FGF14: variants seen among roughly 807,000 people sequenced by gnomAD.
The protein encoded by FGF14 is fibroblast growth factor 14, also known as fibroblast growth factor homologous factor 4.
In FGF14, 5 loss-of-function variants were observed where a neutral mutation model predicts 25.5. That is an observed-to-expected ratio of 0.20 (90% CI 0.10 to 0.41). FGF14 has a LOEUF of 0.41. Among genes scored for constraint, FGF14 ranks in the 10% least tolerant of loss-of-function variants. FGF14 has a pLI of 1.00. For synonymous variants in FGF14, 138 were observed against 118.3 expected (o/e 1.17, Z -1.08); for missense variants, 222 against 320.1 (o/e 0.69, Z 2.34).
chr13:101,888,862 T>G (rs1029768589), intron 1 of FGF14, among the ~76,000 whole-genome samples: 2 of 152,208 alleles, frequency 1.3e-5, no homozygotes, highest in Non-Finnish European at 2.9e-5. Flanking sequence ...ATTAAATGAA[T>G]TGTGTCCCCC....
chr13:102,006,990 C>G (rs4772434), intron 1 of FGF14, among the ~76,000 whole-genome samples: 13 of 151,342 alleles, frequency 8.6e-5, no homozygotes, highest in Admixed American at 2.0e-4. Context: ...ATGATCCACC[C>G]GCCTCGGCCT....
chr13:101,751,717 C>T (rs907385658), intron 3 of FGF14, among the ~76,000 whole-genome samples: 3 of 152,090 alleles, frequency 2.0e-5, no homozygotes, highest in South Asian at 2.1e-4. Flanking sequence ...CTGTTTTTGA[C>T]GTCCAAACGC....
chr13:101,746,215 TTA>T (rs2036879524), intron 3 of FGF14, among the ~76,000 whole-genome samples: 1 of 151,958 alleles, frequency 6.6e-6, no homozygotes, highest in African/African-American at 2.4e-5. Context: ...TTTCTTCATT[TTA>T]TGAGTCTAGA....
chr13:101,730,014 C>T (rs2035703867), intron 3 of FGF14, among the ~76,000 whole-genome samples: 1 of 152,122 alleles, frequency 6.6e-6, no homozygotes, highest in Non-Finnish European at 1.5e-5. Context: ...GAGATACACG[C>T]TTTGTGGGAC....
chr13:101,961,737 A>T (rs1566499278), intron 1 of FGF14, among the ~76,000 whole-genome samples: 1 of 152,118 alleles, frequency 6.6e-6, no homozygotes, highest in Admixed American at 6.5e-5. Flanking sequence ...TTTGCTCAGC[A>T]CTTCTCCTTG....
chr13:102,198,151 G>A (rs2049449623), intron 1 of FGF14, among the ~76,000 whole-genome samples: 3 of 152,150 alleles, frequency 2.0e-5, no homozygotes, highest in East Asian at 1.9e-4. Context: ...CTCACCTCTT[G>A]GAGGTAGATG....
chr13:102,054,900 C>T (rs540013769), intron 1 of FGF14, among the ~76,000 whole-genome samples: 48 of 152,312 alleles, frequency 3.2e-4, no homozygotes, highest in Admixed American at 5.9e-4. Flanking sequence ...TCCTCTGAAA[C>T]TATCACTCCC....
chr13:102,188,526 GT>G (rs2048962629), intron 1 of FGF14, among the ~76,000 whole-genome samples: 1 of 152,152 alleles, frequency 6.6e-6, no homozygotes, highest in Non-Finnish European at 1.5e-5. Flanking sequence ...TCTTGTTTTT[GT>G]TTTGAGAATT....
chr13:101,853,433 TA>T (rs1478725266), intron 3 of FGF14, among the ~76,000 whole-genome samples: 1 of 151,974 alleles, frequency 6.6e-6, no homozygotes, highest in African/African-American at 2.4e-5. Context: ...TACTTCAGTG[TA>T]TTATTTATTT....
chr13:102,159,033 G>A (rs1248550746), intron 1 of FGF14, among the ~76,000 whole-genome samples: 34 of 151,538 alleles, frequency 2.2e-4, no homozygotes, highest in Admixed American at 1.1e-3. Context: ...CCAGCTACTC[G>A]GGAGGCCGAG....
chr13:101,820,551 T>C (rs894299408), intron 3 of FGF14, among the ~76,000 whole-genome samples: 3 of 152,196 alleles, frequency 2.0e-5, no homozygotes, highest in African/African-American at 7.2e-5. Flanking sequence ...AGCAATATCA[T>C]GTTTCTCATA....
At chr13:101,782,332 C>G (rs912329044) in intron 3 of FGF14, among the ~76,000 whole-genome samples, 2 of 152,184 alleles carry the variant, frequency 1.3e-5, no homozygotes, top group African/African-American at 4.8e-5. Flanking sequence ...TATTTCAAAT[C>G]CATGTGCATT....
chr13:101,900,059 G>T (rs2031322702), intron 1 of FGF14, among the ~76,000 whole-genome samples: 1 of 152,020 alleles, frequency 6.6e-6, no homozygotes, highest in African/African-American at 2.4e-5. Context: ...CCAGACAATT[G>T]TTAAATATTT....
At chr13:101,760,951 C>T (rs2037986944) in intron 3 of FGF14, among the ~76,000 whole-genome samples, 1 of 152,160 alleles carries the variant, frequency 6.6e-6, no homozygotes, top group African/African-American at 2.4e-5. Flanking sequence ...ATTAATTACT[C>T]TCTTGAAGGA....
chr13:102,075,740 A>G (rs1190470705), intron 1 of FGF14, among the ~76,000 whole-genome samples: 1 of 152,200 alleles, frequency 6.6e-6, no homozygotes, highest in Non-Finnish European at 1.5e-5. Flanking sequence ...TTATCATAGG[A>G]GATGACAGTT....
At chr13:101,873,250 T>G (rs2045211681) in intron 2 of FGF14, among the ~76,000 whole-genome samples, 1 of 152,144 alleles carries the variant, frequency 6.6e-6, no homozygotes, top group Non-Finnish European at 1.5e-5. Context: ...TTGATTCCTA[T>G]CATTAAAGGT....
chr13:101,798,065 T>A (rs773911622), intron 3 of FGF14, among the ~76,000 whole-genome samples: 3 of 152,132 alleles, frequency 2.0e-5, no homozygotes, highest in Non-Finnish European at 2.9e-5. Flanking sequence ...CCCTTTTATA[T>A]CCTTTCAGTA....
At chr13:102,041,052 C>T (rs909406494) in intron 1 of FGF14, among the ~76,000 whole-genome samples, 3 of 151,940 alleles carry the variant, frequency 2.0e-5, no homozygotes, top group Non-Finnish European at 4.4e-5. Context: ...TTGAACTCCA[C>T]TCAAGTCGGT....
At chr13:101,871,541 G>A (rs2045085100) in intron 2 of FGF14, among the ~76,000 whole-genome samples, 1 of 152,014 alleles carries the variant, frequency 6.6e-6, no homozygotes, top group South Asian at 2.1e-4. Context: ...TAAGGTGAGA[G>A]GGACTTTTGA....
Sources: gnomAD v4.1 joint callset for allele counts (sites outside exome capture counted in the v4.1 genomes callset) on GRCh38, gnomAD v4.1.1 for gene constraint, MANE v1.5 for transcripts, NCBI Gene and HGNC (gene_info 2026-07-23, HGNC 2026-07-21) for gene names.